Variants in KRT222 observed in about 807,000 individuals in gnomAD.
KRT222 encodes keratin 222.
KRT222 carries 23 observed loss-of-function variants against 35.0 expected under a neutral mutation model. The observed-to-expected ratio is 0.66, with a 90% CI of 0.47 to 0.93. KRT222 has a LOEUF of 0.93. Ranked by LOEUF, KRT222 falls within the 40% of genes least tolerant of loss-of-function variation. The pLI is 0.00. For synonymous variants in KRT222, 108 were observed against 118.8 expected, an observed-to-expected ratio of 0.91 and a Z score of 0.59; for missense variants, 339 against 346.3, an observed-to-expected ratio of 0.98 and a Z score of 0.17.
In KRT222 at chr17:40,659,975, G is replaced by T; in HGVS notation, c.446+12C>A. The T allele has an allele frequency of 6.2e-7, 1 of 1,606,090 alleles. No individual in the cohort carries two copies. The highest frequency in any genetic ancestry group is 8.5e-7 in the Non-Finnish European group (1 of 1,173,068). On this transcript the variant is annotated intron_variant, in intron 3 of 5. Coordinates refer to ENST00000394052, the MANE Select transcript of KRT222 (RefSeq NM_152349.3). ...TCTGGCCCCTTGTCATTAACTAAAT[G>T]GATTTAGGTACCTGATTTCTTCTTT...
chr17:40,660,437 G>A lies in KRT222; in HGVS notation c.226-230C>T, dbSNP rs181018522. Reference sequence around the variant, plus strand: ...TGGGATTACAGTCGCGTGCCACCACGCCCGGCTAATTTTTTGTATCTTTAG... The same window carrying A: ...TGGGATTACAGTCGCGTGCCACCACACCCGGCTAATTTTTTGTATCTTTAG... On this transcript the variant is annotated intron_variant, in intron 2 of 5. Coordinates refer to ENST00000394052, the MANE Select transcript of KRT222 (RefSeq NM_152349.3). Among the ~76,000 whole-genome samples, 7 of 151,806 alleles carry A rather than the reference G, an allele frequency of 4.6e-5. No homozygotes were observed. In the East Asian group the frequency reaches 9.7e-4, roughly 21 times the overall value.
rs767166093 is a variant in KRT222, at chr17:40,656,597, C to T, written c.693G>A (p.Trp231Ter). ...GGTTATCTTTAAAGAAAGAACCTTC[C>T]CATTCTTTAATAACTTCATCCACTT... ...TEKVDEVIKE[W>*]EGSFFKDNPR... The change falls in exon 6 of 6, where the codon TGG becomes TGA. Residue 231 changes from tryptophan (W) to a stop codon, truncating the protein, a stop_gained. Transcript: ENST00000394052. LOFTEE classifies it high-confidence loss of function. 12 of 1,610,460 alleles carry T rather than the reference C, an allele frequency of 7.5e-6. No individual in the cohort carries two copies. The highest frequency in any genetic ancestry group is 1.0e-5 in the Non-Finnish European group (12 of 1,176,872).
chr17:40,664,916 C>T, intron 1 of KRT222, 88 bp downstream of exon 1: 1 of 1,595,806 alleles, frequency 6.3e-7, no homozygotes. Context: ...AAAGGAAATA[C>T]TGTACCTCAG....
intron 1 of KRT222, among the ~76,000 whole-genome samples, chr17:40,662,595 T>A (rs1369757938): frequency 2.6e-5 from 4 of 152,220 alleles, no homozygotes; most frequent in African/African-American, 4.8e-5. Context: ...ACTTCCATAT[T>A]AAGAAAATCT....
intron 3 of KRT222, 40 bp from the exon 4 acceptor site, chr17:40,657,790 A>G: frequency 7.6e-7 from 1 of 1,321,512 alleles, no homozygotes; most frequent in Non-Finnish European, 1.1e-6. Flanking sequence ...GCAACACTGT[A>G]TCAGCAAATA....
At chr17:40,662,079 A>T (rs777108553) in intron 1 of KRT222, 35 bp from the exon 2 acceptor site, 1 of 1,602,416 alleles carries the variant, frequency 6.2e-7, no homozygotes, top group Non-Finnish European at 8.5e-7. Flanking sequence ...ATAACAAACA[A>T]AAAACAAGGA....
chr17:40,656,684 AT>A, intron 5 of KRT222, 54 bp from the exon 6 acceptor site: 1 of 898,930 alleles, frequency 1.1e-6, no homozygotes. Context: ...TCTATTAAAA[AT>A]ATGTATTATA....
chr17:40,662,561 A>C (rs946553029), intron 1 of KRT222, among the ~76,000 whole-genome samples: 14 of 152,226 alleles, frequency 9.2e-5, no homozygotes, highest in Non-Finnish European at 1.9e-4. Flanking sequence ...TTAAGTTGTT[A>C]TAGGCAATAA....
At chr17:40,657,548 T>C in intron 4 of KRT222, 61 bp from the exon 5 acceptor site, 1 of 1,491,912 alleles carries the variant, frequency 6.7e-7, no homozygotes, top group East Asian at 2.4e-5. Context: ...TCACAAATTA[T>C]ATTCAAACTT....
At chr17:40,657,639 C>T (rs779412704) in intron 4 of KRT222, 35 bp downstream of exon 4, 15 of 1,574,092 alleles carry the variant, frequency 9.5e-6, no homozygotes, top group Non-Finnish European at 1.2e-5. Context: ...TAGTACATCA[C>T]TTTTCAAATG....
chr17:40,656,902 A>G (rs2037348608), intron 5 of KRT222, among the ~76,000 whole-genome samples: 1 of 152,140 alleles, frequency 6.6e-6, no homozygotes, highest in South Asian at 2.1e-4. Flanking sequence ...TTATGTATAT[A>G]TGTCAGATTA....
In KRT222 at chr17:40,657,393, C is replaced by T. The variant is rs1396664989; in HGVS notation, c.618G>A (p.Gly206=). ...ETVTKQAILN[G]SIVKESTEAH... ...CTTCAGTGCTCTCCTTAACGATACT[C>T]CCATTTAAGATTGCCTGTTTGGTTA... Residue 206 remains glycine (G), a synonymous_variant, in exon 5 of 6, where the codon GGG becomes GGA. Transcript: ENST00000394052. The T allele has an allele frequency of 1.2e-6, 2 of 1,610,588 alleles. No individual in the cohort carries two copies. Among genetic ancestry groups the T allele is most frequent in the African/African-American group, 1.3e-5 (1 of 74,964 alleles).
In KRT222 at chr17:40,665,156, C is replaced by G; in HGVS notation, c.-57G>C. On this transcript the variant is annotated 5_prime_UTR_variant, in exon 1 of 6. Coordinates refer to ENST00000394052, the MANE Select transcript of KRT222 (RefSeq NM_152349.3). ...ACCTTATCGATAGGATGAGTCGCTG[C>G]GGCAGTCTGCTCGGTCTGCGCGGAA... 1 of 1,523,526 alleles carries G rather than the reference C, an allele frequency of 6.6e-7. No homozygotes were observed. The highest frequency in any genetic ancestry group is 9.1e-7 in the Non-Finnish European group (1 of 1,100,932). 94.4% of individuals were successfully genotyped at this position (1,523,526 alleles called of 1,614,324 possible).
chr17:40,665,159 C>CAGTCTGCTCGG lies in KRT222; in HGVS notation c.-71_-61dup. ...TTATCGATAGGATGAGTCGCTGCGG[C>CAGTCTGCTCGG]AGTCTGCTCGGTCTGCGCGGAAGGC... On this transcript the variant is annotated 5_prime_UTR_variant, in exon 1 of 6. Transcript: ENST00000394052. 3 of 1,519,272 alleles carry CAGTCTGCTCGG rather than the reference C, an allele frequency of 2.0e-6. No homozygotes were observed. Among genetic ancestry groups the CAGTCTGCTCGG allele is most frequent in the Middle Eastern group, 3.4e-4 (2 of 5,902 alleles). The allele number at this position is 1,519,272 out of a possible 1,614,324, so 94.1% of individuals were successfully genotyped here.
At chr17:40,657,274 G>A in intron 5 of KRT222, 78 bp downstream of exon 5, 3 of 960,286 alleles carry the variant, frequency 3.1e-6, no homozygotes, top group Non-Finnish European at 2.9e-6. Flanking sequence ...ACAAAGAAGA[G>A]TAATTACTGG....
intron 2 of KRT222, among the ~76,000 whole-genome samples, chr17:40,661,583 C>T (rs893658696): frequency 5.3e-5 from 8 of 152,132 alleles, no homozygotes; most frequent in African/African-American, 7.2e-5. Context: ...TTTTATTCGA[C>T]GTCTCAATGG....
Position 40,662,064 on chromosome 17 carries a change from C to T in KRT222, c.97-20G>A. 6.2e-7 allele frequency: 1 copy of T among 1,605,426 alleles called. No individual in the cohort carries two copies. Among genetic ancestry groups the T allele is most frequent in the Non-Finnish European group, 8.5e-7 (1 of 1,177,300 alleles). ...TTCTAGCTAACAAGAAAGCCAACAG[C>T]AACAATAACAAACAAAAAACAAGGA... On this transcript the variant is annotated intron_variant, in intron 1 of 5. Transcript: ENST00000394052.
chr17:40,659,899 TG>T (rs2037370578), intron 3 of KRT222, 87 bp downstream of exon 3: 1 of 1,105,986 alleles, frequency 9.0e-7, no homozygotes, highest in African/African-American at 1.6e-5. Context: ...ATGGGGTTTT[TG>T]GATTTAATTT....
chr17:40,658,992 G>A (rs1567853100), intron 3 of KRT222, among the ~76,000 whole-genome samples: 1 of 152,130 alleles, frequency 6.6e-6, no homozygotes, highest in Non-Finnish European at 1.5e-5. Context: ...CTGTTTTGAG[G>A]TTTGATGTGT....
Sources: gnomAD v4.1 joint callset for allele counts (sites outside exome capture counted in the v4.1 genomes callset) on GRCh38, gnomAD v4.1.1 for gene constraint, MANE v1.5 for transcripts, NCBI Gene and HGNC (gene_info 2026-07-23, HGNC 2026-07-21) for gene names.